DNAH7: variants seen among roughly 807,000 people sequenced by gnomAD.
DNAH7 encodes dynein axonemal heavy chain 7, also known as axonemal beta dynein heavy chain 7.
A neutral mutation model predicts 444.6 loss-of-function variants in DNAH7; 397 were observed. The observed-to-expected ratio is 0.89, with a 90% CI of 0.82 to 0.97. The LOEUF (loss-of-function observed/expected upper bound fraction) is 0.97, where lower values mean the gene tolerates loss of function less well. Ranked by LOEUF, DNAH7 falls within the 50% of genes least tolerant of loss-of-function variation. The pLI is 0.00. For synonymous variants in DNAH7, 1,636 were observed against 1,624.4 expected (o/e 1.01, Z -0.17); for missense variants, 4,902 against 4,800.8 (o/e 1.02, Z -0.62).
chr2:195,870,249 C>T (rs780733662), intron 40 of DNAH7, among the ~76,000 whole-genome samples: 2 of 152,040 alleles, frequency 1.3e-5, no homozygotes, highest in Non-Finnish European at 2.9e-5. Flanking sequence ...AATAAGTAAG[C>T]CCCAAATTTA....
chr2:195,824,275 GATA>G lies in DNAH7; in HGVS notation c.9268_9270del (p.Tyr3090del). ...CTGGCCTTTACTGATGTTTCAGGAA[GATA>G]ATGAGGATTTCTTAACTTGGTAGTA... On this transcript the variant is annotated inframe_deletion, in exon 49 of 65. Coordinates refer to ENST00000312428, the MANE Select transcript of DNAH7 (RefSeq NM_018897.3). 6.2e-7 allele frequency: 1 copy of G among 1,612,766 alleles called. No individual in the cohort carries two copies. The highest frequency in any genetic ancestry group is 8.5e-7 in the Non-Finnish European group (1 of 1,179,402).
At chr2:196,031,072 A>G (rs957640738) in intron 5 of DNAH7, among the ~76,000 whole-genome samples, 6 of 152,340 alleles carry the variant, frequency 3.9e-5, no homozygotes, top group African/African-American at 1.2e-4. Context: ...CCCTTGCAGG[A>G]AACTTTTGCC....
Position 195,861,482 on chromosome 2 carries a change from TCA to T in DNAH7, c.7736+233_7736+234del, listed in dbSNP as rs1700010956. The stretch of plus-strand genomic sequence containing the variant: ...ATTCACAGCTCTGGTTGGAATATCT[TCA>T]TTCTTCCAAGAGTTATTATGCATCT... On this transcript the variant is annotated intron_variant, in intron 42 of 64. Coordinates refer to ENST00000312428, the MANE Select transcript of DNAH7 (RefSeq NM_018897.3). 2.0e-5 allele frequency among the ~76,000 whole-genome samples: 3 copies of T among 152,346 alleles called. No individual in the cohort carries two copies. The South Asian group carries it at 6.2e-4, about 32-fold the overall frequency.
At chr2:195,987,472 T>G (rs1692998221) in intron 13 of DNAH7, among the ~76,000 whole-genome samples, 1 of 152,056 alleles carries the variant, frequency 6.6e-6, no homozygotes, top group African/African-American at 2.4e-5. Context: ...ACTGTATTGC[T>G]AAATAAATAA....
chr2:195,997,905 C>A (rs1693797303), intron 12 of DNAH7, among the ~76,000 whole-genome samples: 1 of 152,038 alleles, frequency 6.6e-6, no homozygotes, highest in Non-Finnish European at 1.5e-5. Flanking sequence ...ATCTCTGGGG[C>A]AAGGGACAAT....
rs201266250 is a variant in DNAH7 at position 195,987,186 on chromosome 2, C to T, written c.1634G>A (p.Arg545His). 204 of 1,588,016 alleles carry T rather than the reference C, an allele frequency of 1.3e-4. No individual in the cohort carries two copies. In the Admixed American group the frequency reaches 1.9e-3, roughly 15 times the overall value. ...EIQYTSIKTI[R>H]LGMFEMHCEE... Reference sequence around the variant, plus strand: ...ACAGTGCATTTCAAACATTCCTAAACGAATAGTCTGCAAAAGATTAAAAGT... The same window carrying T: ...ACAGTGCATTTCAAACATTCCTAAATGAATAGTCTGCAAAAGATTAAAAGT... Residue 545 changes from arginine to histidine, a missense_variant, in exon 14 of 65, where the codon CGT becomes CAT. Arg to His is a conservative substitution (Grantham distance 29). Transcript: ENST00000312428.
At chr2:195,836,319 C>T (rs1322144606) in intron 47 of DNAH7, among the ~76,000 whole-genome samples, 1 of 152,040 alleles carries the variant, frequency 6.6e-6, no homozygotes, top group Non-Finnish European at 1.5e-5. Flanking sequence ...GAGTTCGAGA[C>T]CAGCATGGAT....
At chr2:195,838,896 T>A (rs1698528330) in intron 47 of DNAH7, among the ~76,000 whole-genome samples, 1 of 151,890 alleles carries the variant, frequency 6.6e-6, no homozygotes, top group Admixed American at 6.6e-5. Context: ...TAATAGTCTT[T>A]AATGTGTATG....
intron 61 of DNAH7, among the ~76,000 whole-genome samples, chr2:195,756,831 C>G (rs1026627): frequency 6.6e-6 from 1 of 151,952 alleles, no homozygotes; most frequent in Non-Finnish European, 1.5e-5. Flanking sequence ...ACCTCCACAA[C>G]AAATACAAAA....
chr2:195,958,542 T>C (rs1574883474), intron 18 of DNAH7, among the ~76,000 whole-genome samples: 1 of 152,158 alleles, frequency 6.6e-6, no homozygotes, highest in Non-Finnish European at 1.5e-5. Context: ...AAGGGTCAAC[T>C]GTATTTCAAT....
In DNAH7 at chr2:196,047,368, G is replaced by A; in HGVS notation, c.382C>T (p.Leu128Phe). Residue 128 changes from leucine to phenylalanine, a missense_variant, in exon 5 of 65, where the codon CTT becomes TTT. By Grantham distance (22) the Leu-to-Phe change is conservative. Coordinates refer to ENST00000312428, the MANE Select transcript of DNAH7 (RefSeq NM_018897.3). ...ACAACTTACATAATGACATTAACAA[G>A]AGTACTTCTAAAGTTTTCTCGTTCT... ...HKERENFRSTLVNVIMQQDAD... is the reference protein window; with the variant it reads ...HKERENFRSTFVNVIMQQDAD... The A allele has an allele frequency of 6.3e-7, 1 of 1,595,712 alleles. No individual in the cohort carries two copies. Among genetic ancestry groups the A allele is most frequent in the Non-Finnish European group, 8.5e-7 (1 of 1,170,082 alleles).
intron 57 of DNAH7, among the ~76,000 whole-genome samples, chr2:195,791,659 A>C (rs1480231519): frequency 3.3e-5 from 5 of 152,222 alleles, no homozygotes; most frequent in African/African-American, 1.2e-4. Context: ...ACCTTAGTGT[A>C]CATCAATGAT....
chr2:195,800,345 A>G (rs2106003948), intron 54 of DNAH7, among the ~76,000 whole-genome samples: 1 of 152,348 alleles, frequency 6.6e-6, no homozygotes, highest in Non-Finnish European at 1.5e-5. Flanking sequence ...CAAAGTGAAT[A>G]TAAATTCCAA....
At chr2:195,840,156 T>G (rs1354436372) in intron 47 of DNAH7, among the ~76,000 whole-genome samples, 1 of 151,666 alleles carries the variant, frequency 6.6e-6, no homozygotes, top group African/African-American at 2.4e-5. Flanking sequence ...AGAGAATACA[T>G]TATGACCAAG....
chr2:195,946,950 T>TA (rs1422444098), intron 19 of DNAH7, among the ~76,000 whole-genome samples: 1 of 151,972 alleles, frequency 6.6e-6, no homozygotes, highest in Non-Finnish European at 1.5e-5. Context: ...ATTCTGGAAT[T>TA]AGATTGAAAG....
At chr2:196,011,649 G>A (rs1694733243) in intron 10 of DNAH7, among the ~76,000 whole-genome samples, 1 of 152,096 alleles carries the variant, frequency 6.6e-6, no homozygotes, top group Non-Finnish European at 1.5e-5. Flanking sequence ...CTGCCTTTTG[G>A]TCATGATAAA....
chr2:195,754,559 C>CT (rs1559073561), intron 62 of DNAH7, 45 bp from the exon 63 acceptor site: 4 of 1,554,730 alleles, frequency 2.6e-6, no homozygotes, highest in East Asian at 2.3e-5. Flanking sequence ...ACCTTTCAAC[C>CT]TTTTTTTCTT....
rs1694047558 is a variant in DNAH7 at position 196,001,717 on chromosome 2, T to G, written c.1131A>C (p.Leu377Phe). Residue 377 changes from leucine (L) to phenylalanine (F), a missense_variant, in exon 11 of 65, where the codon TTA (leucine) becomes TTC (phenylalanine). Physicochemically the swap from Leu to Phe is conservative, Grantham distance 22. Coordinates refer to ENST00000312428, the MANE Select transcript of DNAH7 (RefSeq NM_018897.3). Reference protein sequence around the residue: ...LMTLQLQDLTLVSMQDFTDLI... With the variant: ...LMTLQLQDLTFVSMQDFTDLI... The stretch of plus-strand genomic sequence containing the variant: ...AGTCCGTGAAATCTTGCATGGAGAC[T>G]AAAGTGAGGTCCTGCAGCTGTAAAG... 2 of 1,597,458 alleles carry G rather than the reference T, an allele frequency of 1.3e-6. No homozygotes were observed. Among genetic ancestry groups the G allele is most frequent in the South Asian group, 2.3e-5 (2 of 86,886 alleles).
At chr2:195,981,393 T>C (rs1239273752) in intron 15 of DNAH7, among the ~76,000 whole-genome samples, 1 of 152,006 alleles carries the variant, frequency 6.6e-6, no homozygotes, top group Admixed American at 6.6e-5. Context: ...TCCAATATTG[T>C]TAAAATGTCC....
Sources: gnomAD v4.1 joint callset for allele counts (sites outside exome capture counted in the v4.1 genomes callset) on GRCh38, gnomAD v4.1.1 for gene constraint, MANE v1.5 for transcripts, NCBI Gene and HGNC (gene_info 2026-07-23, HGNC 2026-07-21) for gene names.